The following NSMCE2 variants were observed in gnomAD, a reference collection of about 807,000 sequenced individuals.
NSMCE2 encodes NSE2 SUMO ligase component of SMC5/6 complex, also known as E3 SUMO-protein ligase NSE2.
NSMCE2 carries 24 observed loss-of-function variants against 23.8 expected under a neutral mutation model. That is an observed-to-expected ratio of 1.01 (90% confidence interval 0.73 to 1.42). The LOEUF (loss-of-function observed/expected upper bound fraction) is 1.42. NSMCE2 is among the 40% of genes most tolerant of loss of function. The pLI is 0.00. For missense variants in NSMCE2, 284 were observed against 296.5 expected, an observed-to-expected ratio of 0.96 and a Z score of 0.31; for synonymous variants, 92 against 94.1, an observed-to-expected ratio of 0.98 and a Z score of 0.13.
chr8:125,284,878 ATT>A (rs1163618517), intron 5 of NSMCE2, among the ~76,000 whole-genome samples: 10 of 152,228 alleles, frequency 6.6e-5, no homozygotes, highest in Non-Finnish European at 1.5e-4. Context: ...ATTAGTAGGC[ATT>A]CTTTTTATAG....
chr8:125,264,836 G>A (rs1042485908), intron 5 of NSMCE2, among the ~76,000 whole-genome samples: 1 of 152,038 alleles, frequency 6.6e-6, no homozygotes, highest in African/African-American at 2.4e-5. Context: ...ACTGAAAAAT[G>A]GCCTTATATC....
intron 7 of NSMCE2, among the ~76,000 whole-genome samples, chr8:125,359,049 G>A (rs1044563924): frequency 6.6e-5 from 10 of 151,794 alleles, no homozygotes; most frequent in Non-Finnish European, 1.3e-4. Context: ...GGTGGATCAC[G>A]AGGTCAGGAG....
chr8:125,165,047 A>G (rs1821807198), intron 4 of NSMCE2, among the ~76,000 whole-genome samples: 1 of 152,230 alleles, frequency 6.6e-6, no homozygotes, highest in Non-Finnish European at 1.5e-5. Flanking sequence ...TTCACTGAAT[A>G]GTGAAAAGGA....
chr8:125,340,189 T>C (rs953610312), intron 5 of NSMCE2, among the ~76,000 whole-genome samples: 3 of 151,942 alleles, frequency 2.0e-5, no homozygotes, highest in Non-Finnish European at 2.9e-5. Flanking sequence ...TAATTTTTTT[T>C]TTGTATTTTT....
At chr8:125,272,260 C>T (rs536469755) in intron 5 of NSMCE2, among the ~76,000 whole-genome samples, 53 of 151,800 alleles carry the variant, frequency 3.5e-4, no homozygotes, top group African/African-American at 1.2e-3. Flanking sequence ...ATGATCCGCC[C>T]GCCTCAGCCT....
Position 125,151,237 on chromosome 8 carries a change from T to A in NSMCE2, c.224T>A (p.Leu75Gln). 1 of 1,605,838 alleles carries A rather than the reference T, an allele frequency of 6.2e-7. No individual in the cohort carries two copies. Among genetic ancestry groups the A allele is most frequent in the Non-Finnish European group, 8.5e-7 (1 of 1,172,926 alleles). The change falls in exon 4 of 8, where the codon CTA becomes CAA. Residue 75 changes from leucine to glutamine, a missense_variant. Leu to Gln is a moderately radical substitution (Grantham distance 113, BLOSUM62 -2). Transcript: ENST00000287437. ...GAATTTGCTACATTGGATCGGCAACTAAACCATTATGTAAAGGCTGTTCAA... is the reference window on the plus strand; with the variant it reads ...GAATTTGCTACATTGGATCGGCAACAAAACCATTATGTAAAGGCTGTTCAA... ...MVEFATLDRQLNHYVKAVQST... is the reference protein window; with the variant it reads ...MVEFATLDRQQNHYVKAVQST...
At chr8:125,189,394 C>T (rs962565586) in intron 5 of NSMCE2, among the ~76,000 whole-genome samples, 16 of 152,108 alleles carry the variant, frequency 1.1e-4, no homozygotes, top group East Asian at 1.9e-4. Flanking sequence ...GTAAGTGCAA[C>T]GAAGAACAAA....
intron 3 of NSMCE2, among the ~76,000 whole-genome samples, chr8:125,117,353 C>G (rs1586455904): frequency 6.6e-6 from 1 of 152,120 alleles, no homozygotes; most frequent in East Asian, 1.9e-4. Flanking sequence ...TCCCAAAGTG[C>G]TAGGATTACA....
At chr8:125,218,051 A>T (rs900816735) in intron 5 of NSMCE2, among the ~76,000 whole-genome samples, 20 of 152,336 alleles carry the variant, frequency 1.3e-4, no homozygotes, top group Non-Finnish European at 2.8e-4. Flanking sequence ...GTTTGTACAT[A>T]TTCTGCATAA....
chr8:125,338,635 A>C (rs1046520478), intron 5 of NSMCE2, among the ~76,000 whole-genome samples: 7 of 152,216 alleles, frequency 4.6e-5, no homozygotes, highest in African/African-American at 1.4e-4. Flanking sequence ...ATTACAGCTA[A>C]CATCATGCAA....
At chr8:125,153,338 A>G (rs1007246344) in intron 4 of NSMCE2, among the ~76,000 whole-genome samples, 5 of 152,262 alleles carry the variant, frequency 3.3e-5, no homozygotes, top group East Asian at 1.9e-4. Context: ...GGAAGAAAAA[A>G]CATAGTTATT....
intron 5 of NSMCE2, among the ~76,000 whole-genome samples, chr8:125,256,426 GC>G (rs1363051655): frequency 1.1e-4 from 16 of 152,196 alleles, no homozygotes; most frequent in Admixed American, 1.0e-3. Flanking sequence ...TAATGCAGGG[GC>G]AAAGCTAGAG....
At chr8:125,346,049 C>T (rs1454313224) in intron 5 of NSMCE2, among the ~76,000 whole-genome samples, 1 of 152,096 alleles carries the variant, frequency 6.6e-6, no homozygotes, top group Non-Finnish European at 1.5e-5. Context: ...CCCAGCTACT[C>T]AGGAGGCTGA....
intron 4 of NSMCE2, among the ~76,000 whole-genome samples, chr8:125,159,929 C>T (rs1821516542): frequency 6.7e-6 from 1 of 149,612 alleles, no homozygotes; most frequent in East Asian, 2.0e-4. Flanking sequence ...CACTGCACTC[C>T]AGTCTGGGTG....
chr8:125,221,051 G>A (rs1232137213), intron 5 of NSMCE2, among the ~76,000 whole-genome samples: 3 of 152,162 alleles, frequency 2.0e-5, no homozygotes, highest in African/African-American at 7.2e-5. Context: ...TCCTGCAGTA[G>A]CATTCCCCAT....
At chr8:125,215,491 G>A (rs1271205566) in intron 5 of NSMCE2, among the ~76,000 whole-genome samples, 2 of 151,938 alleles carry the variant, frequency 1.3e-5, no homozygotes, top group Non-Finnish European at 2.9e-5. Flanking sequence ...GAATAATGCT[G>A]CAATAAACAT....
intron 4 of NSMCE2, among the ~76,000 whole-genome samples, chr8:125,157,100 T>C (rs1367374911): frequency 6.6e-6 from 1 of 152,172 alleles, no homozygotes; most frequent in East Asian, 1.9e-4. Flanking sequence ...CCCACTCTAT[T>C]AGGCATTGTG....
rs750890619 is a variant in NSMCE2 at position 125,192,706 on chromosome 8, G to T, written c.418+10450G>T. On this transcript the variant is annotated intron_variant, in intron 5 of 7. Transcript: ENST00000287437. Reference sequence around the variant, plus strand: ...GAGCATTAATGTGGTATCACAAAAAGGGCACAATAATGGAAATCGAAAGAC... The same window carrying T: ...GAGCATTAATGTGGTATCACAAAAATGGCACAATAATGGAAATCGAAAGAC... 1.2e-3 allele frequency among the ~76,000 whole-genome samples: 185 copies of T among 152,068 alleles called. 5 individuals carry two copies. The highest frequency in any genetic ancestry group is 1.0e-3 in the Admixed American group (16 of 15,272).
chr8:125,297,168 C>T (rs997274601), intron 5 of NSMCE2, among the ~76,000 whole-genome samples: 48 of 152,290 alleles, frequency 3.2e-4, no homozygotes, highest in Admixed American at 1.1e-3. Flanking sequence ...TTCATATTTT[C>T]ATGCTTTTTA....
Sources: gnomAD v4.1 joint callset for allele counts (sites outside exome capture counted in the v4.1 genomes callset) on GRCh38, gnomAD v4.1.1 for gene constraint, MANE v1.5 for transcripts, NCBI Gene and HGNC (gene_info 2026-07-23, HGNC 2026-07-21) for gene names.